The following LUZP2 variants were observed in gnomAD, a reference collection of about 807,000 sequenced individuals.
The protein encoded by LUZP2 is leucine zipper protein 2.
LUZP2 carries 52 observed loss-of-function variants against 51.6 expected under a neutral mutation model. The observed-to-expected ratio is 1.01, with a 90% confidence interval of 0.81 to 1.27. LUZP2 has a LOEUF of 1.27. Ranked by LOEUF, LUZP2 falls within the 50% of genes most tolerant of loss-of-function variation. The pLI, the probability that LUZP2 is intolerant of heterozygous loss-of-function variation, is 0.00. For missense variants in LUZP2, 436 were observed against 395.4 expected, an observed-to-expected ratio of 1.10 and a Z score of -0.87; for synonymous variants, 154 against 137.3, an observed-to-expected ratio of 1.12 and a Z score of -0.85.
chr11:24,896,429 A>AC (rs1329481477), intron 5 of LUZP2, among the ~76,000 whole-genome samples: 5 of 152,180 alleles, frequency 3.3e-5, no homozygotes, highest in African/African-American at 1.2e-4. Context: ...GGGGCTTAGC[A>AC]CCTGGGCCAG....
intron 1 of LUZP2, among the ~76,000 whole-genome samples, chr11:24,657,491 G>A (rs1262192854): frequency 6.6e-6 from 1 of 152,140 alleles, no homozygotes. Flanking sequence ...GGCAAAAACT[G>A]GAGGCATTCC....
At chr11:24,976,245 G>A (rs563112219) in intron 7 of LUZP2, among the ~76,000 whole-genome samples, 1 of 151,866 alleles carries the variant, frequency 6.6e-6, no homozygotes, top group Admixed American at 6.6e-5. Context: ...AATTTTGGGG[G>A]CATAAAATTC....
intron 4 of LUZP2, among the ~76,000 whole-genome samples, chr11:24,748,551 C>A (rs1859462978): frequency 6.6e-6 from 1 of 152,008 alleles, no homozygotes; most frequent in South Asian, 2.1e-4. Flanking sequence ...CCTCCACCAC[C>A]CAGGTTCAAA....
intron 1 of LUZP2, among the ~76,000 whole-genome samples, chr11:24,592,124 C>G (rs1853281027): frequency 6.6e-6 from 1 of 152,202 alleles, no homozygotes; most frequent in Non-Finnish European, 1.5e-5. Context: ...CAGCACTTTT[C>G]ACTGTGAGTT....
intron 9 of LUZP2, among the ~76,000 whole-genome samples, chr11:24,992,166 C>A (rs929161399): frequency 5.9e-5 from 9 of 152,014 alleles, no homozygotes; most frequent in African/African-American, 1.9e-4. Context: ...GTGAGCTCCT[C>A]ATAAATACAT....
chr11:24,572,349 C>A (rs1217601330), intron 1 of LUZP2, among the ~76,000 whole-genome samples: 2 of 151,918 alleles, frequency 1.3e-5, no homozygotes, highest in Non-Finnish European at 2.9e-5. Context: ...ATTATATAAG[C>A]CGTGATAGTA....
intron 5 of LUZP2, among the ~76,000 whole-genome samples, chr11:24,840,441 A>G (rs1180964864): frequency 6.6e-6 from 1 of 151,864 alleles, no homozygotes; most frequent in Non-Finnish European, 1.5e-5. Flanking sequence ...GGAAAAAAAA[A>G]TCTTAATATA....
At chr11:24,521,541 G>C (rs1198369218) in intron 1 of LUZP2, among the ~76,000 whole-genome samples, 1 of 152,012 alleles carries the variant, frequency 6.6e-6, no homozygotes, top group Admixed American at 6.6e-5. Flanking sequence ...TTGGTTACAA[G>C]CTTTGTAGAC....
chr11:24,703,696 GTA>G, intron 1 of LUZP2, among the ~76,000 whole-genome samples: 1 of 152,004 alleles, frequency 6.6e-6, no homozygotes, highest in Admixed American at 6.6e-5. Flanking sequence ...AAGTTTTGTA[GTA>G]TGTGCCTGTA....
intron 4 of LUZP2, among the ~76,000 whole-genome samples, chr11:24,760,435 C>T (rs1277104825): frequency 6.6e-6 from 1 of 152,036 alleles, no homozygotes; most frequent in Non-Finnish European, 1.5e-5. Flanking sequence ...TTTCTATCAA[C>T]TTGAACTATC....
chr11:24,928,861 T>G (rs1162440916), intron 7 of LUZP2, among the ~76,000 whole-genome samples: 1 of 151,932 alleles, frequency 6.6e-6, no homozygotes, highest in Non-Finnish European at 1.5e-5. Context: ...TGATCCTGGA[T>G]TTTGTTGTGT....
chr11:24,608,957 T>A (rs1239761404), intron 1 of LUZP2, among the ~76,000 whole-genome samples: 3 of 152,048 alleles, frequency 2.0e-5, no homozygotes, highest in Non-Finnish European at 4.4e-5. Flanking sequence ...CTGCCATAGA[T>A]GGAGGCCTTT....
intron 5 of LUZP2, among the ~76,000 whole-genome samples, chr11:24,771,708 A>G (rs1860425027): frequency 6.6e-6 from 1 of 151,944 alleles, no homozygotes; most frequent in Admixed American, 6.6e-5. Context: ...AATAATCCCC[A>G]CGTGTCAAAG....
intron 1 of LUZP2, among the ~76,000 whole-genome samples, chr11:24,709,136 A>G (rs756512772): frequency 5.9e-5 from 9 of 152,138 alleles, no homozygotes; most frequent in Non-Finnish European, 1.3e-4. Context: ...ACATTCCTGA[A>G]CATGTGGGAG....
At chr11:24,790,907 G>A (rs1425104473) in intron 5 of LUZP2, among the ~76,000 whole-genome samples, 1 of 152,134 alleles carries the variant, frequency 6.6e-6, no homozygotes, top group Non-Finnish European at 1.5e-5. Context: ...TTCCATTTAT[G>A]CATACTGTAA....
intron 1 of LUZP2, among the ~76,000 whole-genome samples, chr11:24,563,726 CAA>C (rs1367422037): frequency 1.3e-5 from 2 of 151,664 alleles, no homozygotes; most frequent in Non-Finnish European, 2.9e-5. Flanking sequence ...GATGAGGAAA[CAA>C]ATATAGTATG....
chr11:24,616,316 G>A (rs749518708), intron 1 of LUZP2, among the ~76,000 whole-genome samples: 8 of 151,632 alleles, frequency 5.3e-5, no homozygotes, highest in African/African-American at 9.7e-5. Context: ...CTATGTTTTC[G>A]TTTGTTTATC....
chr11:24,771,725 G>T (rs937750746), intron 5 of LUZP2, among the ~76,000 whole-genome samples: 1 of 151,966 alleles, frequency 6.6e-6, no homozygotes, highest in African/African-American at 2.4e-5. Flanking sequence ...AAAGGGTGGG[G>T]GCCAGGTGGA....
At chr11:24,566,889 CATATTTATAT>C (rs1342655090) in intron 1 of LUZP2, among the ~76,000 whole-genome samples, 2 of 92,426 alleles carry the variant, frequency 2.2e-5, no homozygotes, top group East Asian at 5.6e-4. Context: ...AACATATATA[CATATTTATAT>C]ATGTTATATA....
Sources: allele counts gnomAD v4.1 joint callset (sites outside exome capture counted in the v4.1 genomes callset), GRCh38; gene constraint gnomAD v4.1.1; transcripts MANE v1.5; gene names NCBI Gene and HGNC (gene_info 2026-07-23, HGNC 2026-07-21).